GRM1: variants seen among roughly 807,000 people sequenced by gnomAD.
GRM1 encodes metabotropic glutamate receptor 1.
In GRM1, 33 loss-of-function variants were observed where a neutral mutation model predicts 90.9. The observed-to-expected ratio is 0.36, with a 90% CI of 0.28 to 0.49. The LOEUF (loss-of-function observed/expected upper bound fraction) is 0.49. GRM1 is among the 20% of genes least tolerant of loss of function. The pLI is 0.99. For missense variants in GRM1, 1,190 were observed against 1,534.3 expected (o/e 0.78, Z 3.75); for synonymous variants, 700 against 613.2 (o/e 1.14, Z -2.09).
chr6:146,033,569 T>C (rs1185535208), intron 1 of GRM1, among the ~76,000 whole-genome samples: 2 of 152,108 alleles, frequency 1.3e-5, no homozygotes, highest in Non-Finnish European at 2.9e-5. Context: ...GCCTTTCTTC[T>C]AGTATTTTGT....
In GRM1 at chr6:146,399,642, G is replaced by A. The variant is rs766272199; in HGVS notation, c.2603G>A (p.Arg868His). Residue 868 changes from arginine to histidine, a missense_variant, in exon 7 of 8, where the codon CGC becomes CAC. Around this residue, in one of 10 missense-constraint regions of GRM1, gnomAD observed 400 missense variants for 360.8 expected, o/e 1.11. Transcript: ENST00000282753. The surrounding 1 kb of genome is among the most constrained non-coding windows in gnomAD (Gnocchi z 5.4). ...MHVGDGKLPC[R>H]SNTFLNIFRR... ...GTTGGCGATGGCAAGCTGCCCTGCC[G>A]CTCCAACACTTTCCTCAACATCTTC... 1.4e-5 allele frequency: 22 copies of A among 1,613,870 alleles called. No individual in the cohort carries two copies. Among genetic ancestry groups the A allele is most frequent in the East Asian group, 2.2e-5 (1 of 44,892 alleles).
intron 1 of GRM1, among the ~76,000 whole-genome samples, chr6:146,109,183 C>T (rs6905037): frequency 0.053 from 8,097 of 152,230 alleles, 705 homozygotes; most frequent in African/African-American, 0.18. Context: ...GAAAATGTCT[C>T]CAGAGCATGT....
chr6:146,207,232 C>T (rs762495777), intron 2 of GRM1, among the ~76,000 whole-genome samples: 15 of 152,140 alleles, frequency 9.9e-5, no homozygotes, highest in Non-Finnish European at 1.8e-4. Flanking sequence ...GAGGAATTCA[C>T]CATACTGCTT....
intron 2 of GRM1, among the ~76,000 whole-genome samples, chr6:146,262,097 A>AG (rs1554288413): frequency 1.3e-5 from 2 of 151,670 alleles, no homozygotes; most frequent in African/African-American, 4.8e-5. Flanking sequence ...AAAAAAAAAA[A>AG]AGAAGGAAAA....
chr6:146,115,643 C>A (rs1286468106), intron 1 of GRM1, among the ~76,000 whole-genome samples: 1 of 152,128 alleles, frequency 6.6e-6, no homozygotes, highest in Admixed American at 6.6e-5. Flanking sequence ...TCATATAGGT[C>A]TGGCATATTT....
At chr6:146,411,653 A>C (rs1777571516) in intron 7 of GRM1, among the ~76,000 whole-genome samples, 1 of 152,182 alleles carries the variant, frequency 6.6e-6, no homozygotes, top group Admixed American at 6.5e-5. Context: ...TCCAGGGAAG[A>C]GATTACAGTG....
At chr6:146,087,733 A>G (rs1454233923) in intron 1 of GRM1, among the ~76,000 whole-genome samples, 1 of 152,170 alleles carries the variant, frequency 6.6e-6, no homozygotes, top group Non-Finnish European at 1.5e-5. Flanking sequence ...AGTTGGCATC[A>G]TGCTTCTGAA....
intron 1 of GRM1, among the ~76,000 whole-genome samples, chr6:146,153,352 A>G (rs1216702740): frequency 1.3e-5 from 2 of 152,240 alleles, no homozygotes; most frequent in African/African-American, 4.8e-5. Flanking sequence ...CAATACCATG[A>G]GTATAACAGG....
chr6:146,414,225 T>TA (rs1777677516), intron 7 of GRM1, among the ~76,000 whole-genome samples: 1 of 152,080 alleles, frequency 6.6e-6, no homozygotes, highest in African/African-American at 2.4e-5. Flanking sequence ...CTCTAATGCG[T>TA]ATGTAGAGGT....
chr6:146,122,223 T>G (rs1422897091), intron 1 of GRM1, among the ~76,000 whole-genome samples: 1 of 152,230 alleles, frequency 6.6e-6, no homozygotes, highest in Admixed American at 6.5e-5. Flanking sequence ...TGCCCCCTTC[T>G]AGGCTTTTAT....
intron 2 of GRM1, among the ~76,000 whole-genome samples, chr6:146,224,466 ATCATAAGGCAAC>A (rs1780172790): frequency 6.6e-6 from 1 of 152,158 alleles, no homozygotes; most frequent in Admixed American, 6.6e-5. Context: ...AGAGGATGCC[ATCATAAGGCAAC>A]TTTATTTTTC....
intron 1 of GRM1, among the ~76,000 whole-genome samples, chr6:146,138,290 G>A (rs949396679): frequency 3.3e-5 from 5 of 152,018 alleles, no homozygotes; most frequent in Non-Finnish European, 5.9e-5. Context: ...CTAGATGTGT[G>A]TCAGTTGCAT....
chr6:146,366,467 G>T (rs993210842), intron 5 of GRM1, among the ~76,000 whole-genome samples: 1 of 151,682 alleles, frequency 6.6e-6, no homozygotes, highest in Admixed American at 6.6e-5. Flanking sequence ...ATTTTTATAC[G>T]CATTAACCAG....
At chr6:146,032,766 A>G (rs572631828) in intron 1 of GRM1, among the ~76,000 whole-genome samples, 123 of 152,302 alleles carry the variant, frequency 8.1e-4, no homozygotes, top group Middle Eastern at 3.4e-3. Flanking sequence ...TCAATTCATT[A>G]TCATCGTTTC....
At position 146,159,569 on chromosome 6, in the gene GRM1, G is replaced by C; in HGVS notation, c.922G>C (p.Val308Leu). 5.0e-6 allele frequency: 8 copies of C among 1,613,654 alleles called. No individual in the cohort carries two copies. The highest frequency in any genetic ancestry group is 6.8e-6 in the Non-Finnish European group (8 of 1,179,958). The change falls in exon 2 of 8, where the codon GTC becomes CTC. Residue 308 changes from valine (V) to leucine (L), a missense_variant. Coordinates refer to ENST00000282753, the MANE Select transcript of GRM1 (RefSeq NM_001278064.2). ...GLLSAMRRLG[V>L]VGEFSLIGSD... Reference sequence around the variant, plus strand: ...CCTGAGCGCCATGCGGCGCCTTGGCGTCGTGGGCGAGTTCTCACTCATTGG... The same window carrying C: ...CCTGAGCGCCATGCGGCGCCTTGGCCTCGTGGGCGAGTTCTCACTCATTGG...
intron 5 of GRM1, among the ~76,000 whole-genome samples, chr6:146,373,039 G>C (rs1775960273): frequency 6.6e-6 from 1 of 152,050 alleles, no homozygotes; most frequent in South Asian, 2.1e-4. Context: ...CATTGACTCT[G>C]TCAATTGCTT....
intron 2 of GRM1, among the ~76,000 whole-genome samples, chr6:146,223,047 G>A (rs551398921): frequency 6.6e-6 from 1 of 152,100 alleles, no homozygotes; most frequent in South Asian, 2.1e-4. Flanking sequence ...AACTCTTGGT[G>A]TCTCTCTATT....
intron 2 of GRM1, among the ~76,000 whole-genome samples, chr6:146,269,624 A>C (rs981546512): frequency 2.0e-5 from 3 of 152,158 alleles, no homozygotes; most frequent in African/African-American, 7.2e-5. Context: ...AAGCATTACC[A>C]CCTGAGCTGG....
In GRM1 at chr6:146,287,298, G is replaced by C. The variant is rs560130321; in HGVS notation, c.951-17313G>C. The stretch of plus-strand genomic sequence containing the variant: ...ACTGATAACTTTTCACCTTATATAA[G>C]AGGTCAGGGTCCTAGATAAGTCCTT... On this transcript the variant is annotated intron_variant, in intron 2 of 7. Transcript: ENST00000282753. 3.9e-5 allele frequency among the ~76,000 whole-genome samples: 6 copies of C among 152,296 alleles called. No individual in the cohort carries two copies. In the South Asian group the frequency reaches 1.2e-3, roughly 32 times the overall value.
Sources: gnomAD v4.1 joint callset for allele counts (sites outside exome capture counted in the v4.1 genomes callset) on GRCh38, gnomAD v4.1.1 for gene constraint, gnomAD v4.1.1 regional missense constraint, Gnocchi (gnomAD v3.1) non-coding constraint, MANE v1.5 for transcripts, NCBI Gene and HGNC (gene_info 2026-07-23, HGNC 2026-07-21) for gene names.